ZNF568: variants seen among roughly 807,000 people sequenced by gnomAD.
The protein encoded by ZNF568 is p53 inhibitor of SCO2 activation.
ZNF568 carries 11 observed loss-of-function variants against 18.1 expected under a neutral mutation model. The ratio of observed to expected loss-of-function variants is 0.61; its 90% CI spans 0.38 to 1.00. The LOEUF (loss-of-function observed/expected upper bound fraction) is 1.00, where lower values mean the gene tolerates loss of function less well. Ranked by LOEUF, ZNF568 falls within the 50% of genes least tolerant of loss-of-function variation. The pLI is 0.01. For synonymous variants in ZNF568, 213 were observed against 246.6 expected, an observed-to-expected ratio of 0.86 and a Z score of 1.28; for missense variants, 639 against 768.2, an observed-to-expected ratio of 0.83 and a Z score of 1.99.
intron 6 of ZNF568, among the ~76,000 whole-genome samples, chr19:36,968,501 G>A (rs1037194772): frequency 3.4e-5 from 5 of 146,278 alleles, no homozygotes; most frequent in Non-Finnish European, 6.0e-5. Context: ...CTGAGATTGC[G>A]CCACTGCACT....
rs1357290284 is a variant in ZNF568, at chr19:36,952,469, A to G, written c.*1381A>G. The G allele has an allele frequency of 6.6e-6, 1 of 152,276 alleles. No homozygotes were observed. The highest frequency in any genetic ancestry group is 1.9e-4 in the East Asian group (1 of 5,198). The allele number at this position is 152,276 out of a possible 1,614,324, so 9.4% of individuals were successfully genotyped here. On this transcript the variant is annotated 3_prime_UTR_variant, in exon 7 of 7. Transcript: ENST00000333987. Reference sequence around the variant, plus strand: ...AATGTTGAATGAAAAAAATCAAAATACAAATGAAACATTGTGTAATAATAT... The same window carrying G: ...AATGTTGAATGAAAAAAATCAAAATGCAAATGAAACATTGTGTAATAATAT...
chr19:36,964,660 T>A (rs938879228), intron 6 of ZNF568, among the ~76,000 whole-genome samples: 4 of 152,138 alleles, frequency 2.6e-5, no homozygotes, highest in African/African-American at 9.6e-5. Context: ...AAAAAATTTT[T>A]AAAAAATTTG....
chr19:36,954,386 G>T (rs2074091849), downstream of ZNF568, among the ~76,000 whole-genome samples: 1 of 152,148 alleles, frequency 6.6e-6, no homozygotes, highest in African/African-American at 2.4e-5. Context: ...TATCAGTTTT[G>T]ATTGTTATTA....
chr19:36,961,686 G>A (rs1231947132), intron 6 of ZNF568, among the ~76,000 whole-genome samples: 1 of 151,966 alleles, frequency 6.6e-6, no homozygotes, highest in East Asian at 1.9e-4. Context: ...GGCACGCCTG[G>A]CTATTTTTAT....
In ZNF568 at chr19:36,922,679, T is replaced by G. The variant is rs922720325; in HGVS notation, c.-92T>G. ...ATGGAAGGAGACCTGACCTGAGACCTGCCTTAGAGGCTGGAGAGTCCTGAA... is the reference window on the plus strand; with the variant it reads ...ATGGAAGGAGACCTGACCTGAGACCGGCCTTAGAGGCTGGAGAGTCCTGAA... On this transcript the variant is annotated 5_prime_UTR_variant, in exon 3 of 7. Transcript: ENST00000333987. The G allele has an allele frequency of 2.2e-5, 23 of 1,063,922 alleles. No individual in the cohort carries two copies. Among genetic ancestry groups the G allele is most frequent in the Non-Finnish European group, 3.1e-5 (22 of 710,868 alleles). The allele number at this position is 1,063,922 out of a possible 1,614,324, so 65.9% of individuals were successfully genotyped here. A position where few individuals can be genotyped will look rare whatever the true frequency, so the allele number is the denominator to read the frequency against.
chr19:36,937,138 T>G lies in ZNF568; in HGVS notation c.263-9T>G. On this transcript the variant is annotated splice_polypyrimidine_tract_variant and intron_variant, in intron 5 of 6. Transcript: ENST00000333987. ...TGACATCCACATCCTTTGCTATTTC[T>G]TGTAATAGGCTGTCAAGTCACCAAA... 6.2e-7 allele frequency: 1 copy of G among 1,612,996 alleles called. No homozygotes were observed. The highest frequency in any genetic ancestry group is 8.5e-7 in the Non-Finnish European group (1 of 1,179,296).
intron 6 of ZNF568, among the ~76,000 whole-genome samples, chr19:36,943,943 T>C (rs897535510): frequency 1.3e-5 from 2 of 152,122 alleles, no homozygotes; most frequent in Admixed American, 1.3e-4. Flanking sequence ...AGTTTCCCGC[T>C]CCAGACATGG....
chr19:36,996,502 G>A, exon 5 of ZNF568: 11 of 1,536,352 alleles, frequency 7.2e-6, no homozygotes, highest in Non-Finnish European at 9.6e-6. Flanking sequence ...GCAGTGCACA[G>A]CCCATAGAGA....
chr19:36,988,009 G>A (rs2074391220), intron 2 of ZNF568, among the ~76,000 whole-genome samples: 2 of 151,888 alleles, frequency 1.3e-5, no homozygotes, highest in African/African-American at 4.8e-5. Context: ...GCTTTCTCAG[G>A]CTTTCTCTAG....
chr19:36,948,900 C>T (rs1196322565), intron 6 of ZNF568, among the ~76,000 whole-genome samples: 1 of 151,976 alleles, frequency 6.6e-6, no homozygotes, highest in Non-Finnish European at 1.5e-5. Context: ...AATTCTTGAG[C>T]CTTTCCAGTG....
At chr19:36,941,350 A>G (rs763654464) in intron 6 of ZNF568, among the ~76,000 whole-genome samples, 8 of 152,230 alleles carry the variant, frequency 5.3e-5, no homozygotes, top group Non-Finnish European at 1.2e-4. Flanking sequence ...GTGTGGAGAA[A>G]TAAACATAGG....
At chr19:36,961,518 T>A (rs749801799) in intron 6 of ZNF568, among the ~76,000 whole-genome samples, 12 of 152,102 alleles carry the variant, frequency 7.9e-5, no homozygotes, top group Non-Finnish European at 1.5e-4. Flanking sequence ...TTAATCCATT[T>A]ATATTCAAAG....
At chr19:36,946,063 C>G (rs1030191262) in intron 6 of ZNF568, among the ~76,000 whole-genome samples, 2 of 151,758 alleles carry the variant, frequency 1.3e-5, no homozygotes, top group Admixed American at 1.3e-4. Context: ...CCACTGCACT[C>G]CAGCCTGGCG....
At chr19:36,945,364 C>G (rs73618491) in intron 6 of ZNF568, among the ~76,000 whole-genome samples, 2 of 151,910 alleles carry the variant, frequency 1.3e-5, no homozygotes, top group Admixed American at 1.3e-4. Flanking sequence ...ACAGCAAGAC[C>G]GACCTCCTCC....
chr19:36,950,433 T>G lies in ZNF568; in HGVS notation c.1280T>G (p.Phe427Cys). The G allele has an allele frequency of 6.2e-7, 1 of 1,613,216 alleles. No homozygotes were observed. The highest frequency in any genetic ancestry group is 2.2e-5 in the East Asian group (1 of 44,844). ...GTATGTAGTGAATGTGGGAAAGCCT[T>G]CTCTCAGAGTTCATCCCTAACCGTA... ...PYVCSECGKA[F>C]SQSSSLTVHM... Residue 427 changes from phenylalanine to cysteine, a missense_variant, in exon 7 of 7, where the codon TTC (phenylalanine) becomes TGC (cysteine). Coordinates refer to ENST00000333987, the MANE Select transcript of ZNF568 (RefSeq NM_198539.4).
chr19:36,960,136 A>G (rs112604426), intron 6 of ZNF568, among the ~76,000 whole-genome samples: 1,980 of 72,734 alleles, frequency 0.027, 29 homozygotes, highest in African/African-American at 0.056. Flanking sequence ...TTTTTTTGAG[A>G]CAGAGTCTCC....
rs568048788 is a variant in ZNF568 at position 36,997,219 on chromosome 19, A to G, written c.1132A>G (p.Lys378Glu). Residue 378 changes from lysine (K) to glutamate (E), a missense_variant, in exon 5 of 5, where the codon AAG becomes GAG. Lys to Glu is a moderately conservative substitution (Grantham distance 56, BLOSUM62 1). Coordinates refer to the ZNF568 transcript ENST00000433993. ...TACTGGTGAGAAACCCCATGAATGT[A>G]AGGAATGTGGGAAAGCCTTTATCTC... 3.1e-6 allele frequency: 5 copies of G among 1,608,852 alleles called. No homozygotes were observed. In the East Asian group the frequency reaches 1.1e-4, roughly 36 times the overall value.
intron 4 of ZNF568, among the ~76,000 whole-genome samples, chr19:36,995,185 G>T (rs2074459290): frequency 6.6e-6 from 1 of 151,926 alleles, no homozygotes; most frequent in Non-Finnish European, 1.5e-5. Flanking sequence ...ATCAATTGAG[G>T]TCAGGTGTTT....
chr19:36,981,745 A>G (rs1421338079), downstream of ZNF568, among the ~76,000 whole-genome samples: 2 of 152,008 alleles, frequency 1.3e-5, no homozygotes, highest in Non-Finnish European at 2.9e-5. Flanking sequence ...ATGATGGTGC[A>G]TGCCTGTAGT....
Sources: gnomAD v4.1 joint callset for allele counts (sites outside exome capture counted in the v4.1 genomes callset) on GRCh38, gnomAD v4.1.1 for gene constraint, MANE v1.5 for transcripts, NCBI Gene and HGNC (gene_info 2026-07-23, HGNC 2026-07-21) for gene names.